ERAP1: variants seen among roughly 807,000 people sequenced by gnomAD.
The protein encoded by ERAP1 is adipocyte-derived leucine aminopeptidase.
Under a neutral mutation model 103.7 loss-of-function variants are expected in ERAP1, and 86 were observed. The observed-to-expected ratio is 0.83, with a 90% confidence interval of 0.70 to 0.99. ERAP1 has a LOEUF of 0.99. ERAP1 is among the 50% of genes least tolerant of loss of function. ERAP1 has a pLI of 0.00. For synonymous variants in ERAP1, 398 were observed against 402.4 expected (o/e 0.99, Z 0.13); for missense variants, 1,009 against 1,128.4 (o/e 0.89, Z 1.52).
At chr5:96,923,125 C>T in the ERAP1 span, among the ~76,000 whole-genome samples, 1 of 152,108 alleles carries the variant, frequency 6.6e-6, no homozygotes, top group Non-Finnish European at 1.5e-5. Flanking sequence ...AGATGTGCAC[C>T]ACAATGGCTG....
chr5:96,874,528 G>A, the ERAP1 span, among the ~76,000 whole-genome samples: 1 of 152,138 alleles, frequency 6.6e-6, no homozygotes, highest in Non-Finnish European at 1.5e-5. Flanking sequence ...CTTCTTTGTC[G>A]TCTTTGTCCC....
At chr5:96,887,218 T>C in the ERAP1 span, among the ~76,000 whole-genome samples, 1 of 151,672 alleles carries the variant, frequency 6.6e-6, no homozygotes, top group African/African-American at 2.4e-5. Context: ...CATTTAAAAT[T>C]TTAAATAATA....
chr5:96,776,223 T>C lies in ERAP1; in HGVS notation c.*173A>G. 2 of 1,486,362 alleles carry C rather than the reference T, an allele frequency of 1.3e-6. No homozygotes were observed. The highest frequency in any genetic ancestry group is 8.9e-7 in the Non-Finnish European group (1 of 1,119,352). The allele number at this position is 1,486,362 out of a possible 1,614,324, so 92.1% of individuals were successfully genotyped here. A position where few individuals can be genotyped will look rare whatever the true frequency, so the allele number is the denominator to read the frequency against. The stretch of plus-strand genomic sequence containing the variant: ...TGATGAACAAAACACATGGTAGCGA[T>C]AGCCCATTCATGAAAAACTAACAGC... On this transcript the variant is annotated 3_prime_UTR_variant, in exon 19 of 19. Transcript: ENST00000443439.
At chr5:96,797,027 G>A (rs1189225632) in intron 4 of ERAP1, 148 bp downstream of exon 4, 1 of 868,270 alleles carries the variant, frequency 1.2e-6, no homozygotes, top group Non-Finnish European at 1.9e-6. Context: ...GGCCTCAAGT[G>A]ATTCTTCCAC....
exon 20 of ERAP1, chr5:96,761,174 C>T (rs1179876153): frequency 6.6e-6 from 1 of 151,984 alleles, no homozygotes; most frequent in East Asian, 1.9e-4. Flanking sequence ...ATACAAATTT[C>T]CAGACCATAG....
chr5:96,930,176 CT>C, the ERAP1 span, among the ~76,000 whole-genome samples: 1 of 152,186 alleles, frequency 6.6e-6, no homozygotes, highest in African/African-American at 2.4e-5. Flanking sequence ...GATTCCACCC[CT>C]AATATCAACC....
chr5:96,762,469 A>AT (rs1768351611), exon 20 of ERAP1: 2 of 764,248 alleles, frequency 2.6e-6, no homozygotes, highest in Non-Finnish European at 4.1e-6. Flanking sequence ...AAATAGGCAG[A>AT]ATTATTAGGA....
At position 96,766,007 on chromosome 5, in the gene ERAP1, G is replaced by A. The variant is rs375598339; in HGVS notation, c.2819-2779C>T. ...GCATTTGACAATGTATTTTCTAAGT[G>A]AAAGAGGAAATGAATATTAATTCTA... On this transcript the variant is annotated intron_variant, in intron 19 of 19. Transcript: ENST00000296754. 14 of 1,076,344 alleles carry A rather than the reference G, an allele frequency of 1.3e-5. 1 individual carries two copies. The African/African-American group carries it at 2.2e-4, about 17-fold the overall frequency. 66.7% of individuals were successfully genotyped at this position (1,076,344 alleles called of 1,614,324 possible). A position where few individuals can be genotyped will look rare whatever the true frequency, so the allele number is the denominator to read the frequency against.
chr5:96,773,154 T>C (rs1773070458), downstream of ERAP1: 1 of 153,870 alleles, frequency 6.5e-6, no homozygotes, highest in Non-Finnish European at 1.5e-5. Flanking sequence ...ACATAAGATA[T>C]TGTACATTGG....
rs368492198 is a variant in ERAP1 at position 96,775,879 on chromosome 5, T to G, written c.*517A>C. ...ACATCCAAAGGGCAAGAAAGCTTGA[T>G]GACTTGGCCTTTACAAGTCAGCCCC... On this transcript the variant is annotated 3_prime_UTR_variant, in exon 19 of 19. Coordinates refer to ENST00000443439, the MANE Select transcript of ERAP1 (RefSeq NM_001040458.3). 2.4e-6 allele frequency: 2 copies of G among 836,636 alleles called. No homozygotes were observed. The highest frequency in any genetic ancestry group is 1.4e-6 in the Non-Finnish European group (1 of 690,976). 51.8% of individuals were successfully genotyped at this position (836,636 alleles called of 1,614,324 possible).
the ERAP1 span, chr5:96,917,369 C>T: frequency 8.1e-7 from 1 of 1,239,480 alleles, no homozygotes; most frequent in Non-Finnish European, 1.1e-6. Flanking sequence ...GATCTGCCCA[C>T]CTTGGCCTCC....
chr5:96,803,153 C>T (rs1198049575), intron 2 of ERAP1, among the ~76,000 whole-genome samples: 1 of 151,910 alleles, frequency 6.6e-6, no homozygotes, highest in South Asian at 2.1e-4. Flanking sequence ...TCTCAGAAAT[C>T]GAACCAAATA....
At chr5:96,889,714 T>A in the ERAP1 span, among the ~76,000 whole-genome samples, 1 of 152,032 alleles carries the variant, frequency 6.6e-6, no homozygotes, top group Non-Finnish European at 1.5e-5. Context: ...GTGGCGGACA[T>A]CAACGCTCTC....
chr5:96,909,708 C>A, the ERAP1 span: 2 of 1,614,212 alleles, frequency 1.2e-6, no homozygotes, highest in East Asian at 4.5e-5. Flanking sequence ...ATGCTCCTTG[C>A]ATCCAGAAAG....
At chr5:96,854,176 G>A in the ERAP1 span, among the ~76,000 whole-genome samples, 260 of 152,206 alleles carry the variant, frequency 1.7e-3, 1 homozygote, top group African/African-American at 6.0e-3. Flanking sequence ...ATAAAATATG[G>A]ATAATAGTAT....
chr5:96,836,601 T>C, the ERAP1 span, among the ~76,000 whole-genome samples: 1 of 152,224 alleles, frequency 6.6e-6, no homozygotes, highest in African/African-American at 2.4e-5. Context: ...GGCATATTAG[T>C]GGCAAGGAGT....
At chr5:96,787,817 CAT>C (rs58423662) in intron 11 of ERAP1, among the ~76,000 whole-genome samples, 4 of 147,754 alleles carry the variant, frequency 2.7e-5, no homozygotes, top group African/African-American at 9.9e-5. Flanking sequence ...TATATATACA[CAT>C]ATATATGTAT....
At chr5:96,788,719 C>A in intron 10 of ERAP1, 34 bp from the exon 11 acceptor site, 1 of 1,609,978 alleles carries the variant, frequency 6.2e-7, no homozygotes, top group South Asian at 1.1e-5. Flanking sequence ...ACACATCACC[C>A]ATTTAACCCA....
At chr5:96,922,724 A>C in the ERAP1 span, among the ~76,000 whole-genome samples, 1 of 152,246 alleles carries the variant, frequency 6.6e-6, no homozygotes, top group African/African-American at 2.4e-5. Flanking sequence ...AGACTAAATT[A>C]GAGTTACTCA....
Sources: allele counts gnomAD v4.1 joint callset (sites outside exome capture counted in the v4.1 genomes callset), GRCh38; gene constraint gnomAD v4.1.1; transcripts MANE v1.5; gene names NCBI Gene and HGNC (gene_info 2026-07-23, HGNC 2026-07-21).